The following RAB3IL1 variants were observed in gnomAD, a reference collection of about 807,000 sequenced individuals.
RAB3IL1 encodes guanine nucleotide exchange factor for Rab-3A.
A neutral mutation model predicts 49.2 loss-of-function variants in RAB3IL1; 37 were observed. That is an observed-to-expected ratio of 0.75 (90% CI 0.58 to 0.99). The LOEUF (loss-of-function observed/expected upper bound fraction) is 0.99, where lower values mean the gene tolerates loss of function less well. Among genes scored for constraint, RAB3IL1 ranks in the 50% least tolerant of loss-of-function variants. The probability of loss-of-function intolerance (pLI) is 0.00; values close to 1 mark genes in which losing one functional copy is unlikely to be tolerated. For missense variants in RAB3IL1, 484 were observed against 513.0 expected, an observed-to-expected ratio of 0.94 and a Z score of 0.55; for synonymous variants, 193 against 213.9, an observed-to-expected ratio of 0.90 and a Z score of 0.85.
At position 61,906,775 on chromosome 11, in the gene RAB3IL1, C is replaced by G; in HGVS notation, c.439-91G>C. ...ATCAGCCTAACTCAGGACAATGCAC[C>G]CCTGCAGTGACAGGCACTTAGTCCC... On this transcript the variant is annotated intron_variant, in intron 4 of 9. Coordinates refer to ENST00000394836, the MANE Select transcript of RAB3IL1 (RefSeq NM_013401.4). This position sits in a 1 kb window ranked among gnomAD's most constrained non-coding sequence, Gnocchi z 4.6. 1 of 1,235,534 alleles carries G rather than the reference C, an allele frequency of 8.1e-7. No homozygotes were observed. Among genetic ancestry groups the G allele is most frequent in the South Asian group, 1.3e-5 (1 of 77,998 alleles). The allele number at this position is 1,235,534 out of a possible 1,614,324, so 76.5% of individuals were successfully genotyped here.
the RAB3IL1 span, among the ~76,000 whole-genome samples, chr11:61,938,729 C>A: frequency 6.6e-6 from 1 of 152,012 alleles, no homozygotes; most frequent in Non-Finnish European, 1.5e-5. Context: ...AATTCAAAAC[C>A]AGTCTGCCCA....
chr11:61,899,902 C>A (rs1051620734), intron 8 of RAB3IL1, among the ~76,000 whole-genome samples: 1 of 152,228 alleles, frequency 6.6e-6, no homozygotes, highest in Non-Finnish European at 1.5e-5. Flanking sequence ...CCTGGGGCCT[C>A]AGGCCTGCTC....
At chr11:61,938,429 TG>T in the RAB3IL1 span, among the ~76,000 whole-genome samples, 1 of 152,140 alleles carries the variant, frequency 6.6e-6, no homozygotes, top group African/African-American at 2.4e-5. Context: ...AAAAGAGGGC[TG>T]GAGTGGATAT....
the RAB3IL1 span, among the ~76,000 whole-genome samples, chr11:61,928,054 T>C: frequency 1.3e-5 from 2 of 151,998 alleles, no homozygotes; most frequent in Non-Finnish European, 2.9e-5. Context: ...GTGAACGGAT[T>C]CACATATCAA....
the RAB3IL1 span, among the ~76,000 whole-genome samples, chr11:61,928,263 C>A: frequency 6.6e-6 from 1 of 152,080 alleles, no homozygotes; most frequent in African/African-American, 2.4e-5. Flanking sequence ...TCCTTACCCA[C>A]AAAGGAAAGT....
rs189231468 is a variant in RAB3IL1 at position 61,908,422 on chromosome 11, C to T, written c.12-116G>A. 6.7e-5 allele frequency: 79 copies of T among 1,171,370 alleles called. No homozygotes were observed. The African/African-American group carries it at 1.2e-3, about 18-fold the overall frequency. The allele number at this position is 1,171,370 out of a possible 1,614,324, so 72.6% of individuals were successfully genotyped here. A position where few individuals can be genotyped will look rare whatever the true frequency, so the allele number is the denominator to read the frequency against. On this transcript the variant is annotated intron_variant, in intron 1 of 9. Coordinates refer to ENST00000394836, the MANE Select transcript of RAB3IL1 (RefSeq NM_013401.4). ...GCCACTTGAGCCTCAGCCTTTCCAT[C>T]TGAAAACTGGGACCCTACCAGCTAT...
upstream of RAB3IL1, among the ~76,000 whole-genome samples, chr11:61,921,567 C>T (rs1939907843): frequency 6.6e-6 from 1 of 152,180 alleles, no homozygotes; most frequent in Non-Finnish European, 1.5e-5. Flanking sequence ...GGCACCAGAG[C>T]CCTTAGACAC....
the RAB3IL1 span, among the ~76,000 whole-genome samples, chr11:61,932,322 G>A: frequency 1.3e-5 from 2 of 151,984 alleles, no homozygotes; most frequent in African/African-American, 4.8e-5. Flanking sequence ...TCCCAAAACT[G>A]AAGTATATGA....
chr11:61,908,172 T>C lies in RAB3IL1; in HGVS notation c.146A>G (p.Gln49Arg), dbSNP rs174477. 0.13 allele frequency: 199,562 copies of C among 1,557,374 alleles called. 14,106 individuals are homozygous for C. The highest frequency in any genetic ancestry group is 0.15 in the Non-Finnish European group (168,937 of 1,152,956). The change falls in exon 2 of 10, where the codon CAA becomes CGA. Residue 49 changes from glutamine (Q) to arginine (R), a missense_variant. Gln to Arg is a conservative substitution (Grantham distance 43, BLOSUM62 1). Transcript: ENST00000394836. Reference protein sequence around the residue: ...LVETSAGEEAQGQEGPAAAQL... With the variant: ...LVETSAGEEARGQEGPAAAQL... The stretch of plus-strand genomic sequence containing the variant: ...GGCGGCTGCGGGGCCCTCCTGGCCT[T>C]GGGCCTCCTCCCCTGCAGAGGTCTC...
chr11:61,935,491 T>C, the RAB3IL1 span, among the ~76,000 whole-genome samples: 1 of 152,070 alleles, frequency 6.6e-6, no homozygotes, highest in Non-Finnish European at 1.5e-5. Context: ...AGATAGACTT[T>C]AAATCAACTA....
Position 61,897,868 on chromosome 11 carries a change from T to C in RAB3IL1, c.*410A>G, listed in dbSNP as rs1449499822. 1 of 170,296 alleles carries C rather than the reference T, an allele frequency of 5.9e-6. No individual in the cohort carries two copies. The highest frequency in any genetic ancestry group is 2.4e-5 in the African/African-American group (1 of 41,614). The allele number at this position is 170,296 out of a possible 1,614,324, so 10.5% of individuals were successfully genotyped here. The stretch of plus-strand genomic sequence containing the variant: ...GCTGGGGTGGAGGGTACCCTGGAGA[T>C]CCAGCCACCCAGAACAGTCCCTTTC... On this transcript the variant is annotated 3_prime_UTR_variant, in exon 10 of 10. Coordinates refer to ENST00000394836, the MANE Select transcript of RAB3IL1 (RefSeq NM_013401.4).
upstream of RAB3IL1, chr11:61,917,702 T>C: frequency 2.6e-6 from 1 of 391,894 alleles, no homozygotes; most frequent in Non-Finnish European, 3.5e-6. Flanking sequence ...ACCACGGCGC[T>C]CGGAGGGAAC....
intron 7 of RAB3IL1, 118 bp from the exon 8 acceptor site, chr11:61,902,659 T>G: frequency 1.1e-6 from 1 of 911,718 alleles, no homozygotes; most frequent in South Asian, 1.6e-5. Flanking sequence ...AGGCCTCCCT[T>G]CCCCCACCCG....
In RAB3IL1 at chr11:61,917,532, C is replaced by A. The variant is rs566355272; in HGVS notation, c.-165G>T. 3.2e-5 allele frequency: 36 copies of A among 1,113,416 alleles called. No individual in the cohort carries two copies. The African/African-American group carries it at 5.3e-4, about 16-fold the overall frequency. The allele number at this position is 1,113,416 out of a possible 1,614,324, so 69.0% of individuals were successfully genotyped here. A position where few individuals can be genotyped will look rare whatever the true frequency, so the allele number is the denominator to read the frequency against. On this transcript the variant is annotated 5_prime_UTR_variant, in exon 1 of 10. Coordinates refer to ENST00000394836, the MANE Select transcript of RAB3IL1 (RefSeq NM_013401.4). ...TCTCAGACGCCTGGGCTCGCGGCCC[C>A]CAGCCCAGCCCCGACCCTGCCCTGG...
intron 1 of RAB3IL1, among the ~76,000 whole-genome samples, chr11:61,915,215 T>C (rs1334747079): frequency 6.6e-6 from 1 of 152,092 alleles, no homozygotes; most frequent in African/African-American, 2.4e-5. Flanking sequence ...CAGGGGTGCA[T>C]GCAGGAAGTG....
Position 61,917,466 on chromosome 11 carries a change from G to C in RAB3IL1, c.-99C>G. 4 of 1,160,028 alleles carry C rather than the reference G, an allele frequency of 3.4e-6. No homozygotes were observed. Among genetic ancestry groups the C allele is most frequent in the Non-Finnish European group, 4.2e-6 (4 of 943,186 alleles). The allele number at this position is 1,160,028 out of a possible 1,614,324, so 71.9% of individuals were successfully genotyped here. A position where few individuals can be genotyped will look rare whatever the true frequency, so the allele number is the denominator to read the frequency against. On this transcript the variant is annotated 5_prime_UTR_variant, in exon 1 of 10. Coordinates refer to ENST00000394836, the MANE Select transcript of RAB3IL1 (RefSeq NM_013401.4). ...CGCCGACTCCGCCAGGGGCCGAGCC[G>C]CCCCACCGCCTGTCAGCCCTGCCCG... is the stretch of plus-strand genomic sequence containing the variant.
At chr11:61,909,420 T>C (rs1052659880) in intron 1 of RAB3IL1, among the ~76,000 whole-genome samples, 5 of 152,128 alleles carry the variant, frequency 3.3e-5, no homozygotes, top group African/African-American at 1.2e-4. Context: ...CTCCCTTGGT[T>C]AACACACAGA....
the RAB3IL1 span, among the ~76,000 whole-genome samples, chr11:61,932,890 C>T: frequency 2.0e-5 from 3 of 151,794 alleles, no homozygotes; most frequent in African/African-American, 7.3e-5. Flanking sequence ...CCTGCCTCAG[C>T]CTCCTGAGTA....
the RAB3IL1 span, among the ~76,000 whole-genome samples, chr11:61,934,446 G>GTGTGTGTA: frequency 6.6e-3 from 160 of 24,274 alleles, no homozygotes; most frequent in South Asian, 0.04. Context: ...GTGTGTGTGT[G>GTGTGTGTA]TATGTATATA....
Sources: allele counts gnomAD v4.1 joint callset (sites outside exome capture counted in the v4.1 genomes callset), GRCh38; gene constraint gnomAD v4.1.1; non-coding constraint Gnocchi (gnomAD v3.1); transcripts MANE v1.5; gene names NCBI Gene and HGNC (gene_info 2026-07-23, HGNC 2026-07-21).